Variants in PRPF39 observed in about 807,000 individuals in gnomAD.
The protein encoded by PRPF39 is pre-mRNA-processing factor 39.
In PRPF39, 27 loss-of-function variants were observed where a neutral mutation model predicts 82.1. The observed-to-expected ratio is 0.33, with a 90% CI of 0.24 to 0.45. The LOEUF (loss-of-function observed/expected upper bound fraction) is 0.45. Ranked by LOEUF, PRPF39 falls within the 20% of genes least tolerant of loss-of-function variation. PRPF39 has a pLI of 1.00. For missense variants in PRPF39, 581 were observed against 796.9 expected, an observed-to-expected ratio of 0.73 and a Z score of 3.26; for synonymous variants, 261 against 256.4, an observed-to-expected ratio of 1.02 and a Z score of -0.17.
chr14:45,093,742 A>C (rs888958193), intron 1 of PRPF39, among the ~76,000 whole-genome samples: 3 of 143,652 alleles, frequency 2.1e-5, no homozygotes, highest in Non-Finnish European at 4.4e-5. Flanking sequence ...TTTAGTAGAG[A>C]CAGGGTTTCT....
rs1884819016 is a variant in PRPF39, at chr14:45,115,790, C to G, written c.*877C>G. On this transcript the variant is annotated 3_prime_UTR_variant, in exon 14 of 14. Coordinates refer to ENST00000355765, the MANE Select transcript of PRPF39 (RefSeq NM_017922.4). Reference sequence around the variant, plus strand: ...TGCTTTTGCCTTCTCATTATACAGGCAATCTGTCCAGATAATTTTACTGGG... The same window carrying G: ...TGCTTTTGCCTTCTCATTATACAGGGAATCTGTCCAGATAATTTTACTGGG... 1 of 155,610 alleles carries G rather than the reference C, an allele frequency of 6.4e-6. No individual in the cohort carries two copies. The highest frequency in any genetic ancestry group is 1.4e-5 in the Non-Finnish European group (1 of 70,238). The allele number at this position is 155,610 out of a possible 1,614,324, so 9.6% of individuals were successfully genotyped here.
At chr14:45,104,328 C>T (rs954870408) in intron 5 of PRPF39, among the ~76,000 whole-genome samples, 6 of 152,108 alleles carry the variant, frequency 3.9e-5, no homozygotes, top group African/African-American at 7.2e-5. Context: ...GAACCACTTT[C>T]CTTATCAGTT....
Position 45,110,064 on chromosome 14 carries a change from T to C in PRPF39, c.1177-30T>C. The C allele has an allele frequency of 6.2e-7, 1 of 1,609,982 alleles. No individual in the cohort carries two copies. The highest frequency in any genetic ancestry group is 1.1e-5 in the South Asian group (1 of 90,286). On this transcript the variant is annotated intron_variant, in intron 8 of 13. Transcript: ENST00000355765. The surrounding 1 kb of genome is among the most constrained non-coding windows in gnomAD (Gnocchi z 4.0). ...TTTAATGGCTTGTTCAACTGTAAAT[T>C]ATTCAGTATTTCCTCTTTTCTGTAT...
At chr14:45,099,359 C>T (rs1016322992) in intron 4 of PRPF39, among the ~76,000 whole-genome samples, 2 of 151,918 alleles carry the variant, frequency 1.3e-5, no homozygotes, top group African/African-American at 2.4e-5. Flanking sequence ...TTTCTTCTTC[C>T]TATTTTTCAT....
intron 4 of PRPF39, among the ~76,000 whole-genome samples, chr14:45,099,758 C>G (rs1372831560): frequency 6.6e-6 from 1 of 152,138 alleles, no homozygotes; most frequent in Non-Finnish European, 1.5e-5. Context: ...TTCTTAATAT[C>G]CAAGAATCTT....
At chr14:45,094,149 T>G (rs1884127378) in intron 1 of PRPF39, among the ~76,000 whole-genome samples, 1 of 152,146 alleles carries the variant, frequency 6.6e-6, no homozygotes, top group Admixed American at 6.5e-5. Context: ...CTAAGTATAT[T>G]TTAAGAGTAA....
At chr14:45,107,680 G>A in intron 6 of PRPF39, 64 bp downstream of exon 6, 3 of 1,475,544 alleles carry the variant, frequency 2.0e-6, no homozygotes, top group Non-Finnish European at 2.7e-6. Flanking sequence ...TGTAATCGCA[G>A]CACTTTGGGA....
intron 1 of PRPF39, among the ~76,000 whole-genome samples, chr14:45,085,264 T>G (rs1444192103): frequency 6.6e-6 from 1 of 152,192 alleles, no homozygotes; most frequent in African/African-American, 2.4e-5. Flanking sequence ...CACTGTTCAC[T>G]CTCTAGTAGG....
At chr14:45,107,394 CA>C in intron 5 of PRPF39, 56 bp from the exon 6 acceptor site, 1 of 1,315,674 alleles carries the variant, frequency 7.6e-7, no homozygotes, top group East Asian at 2.5e-5. Flanking sequence ...GTAGGAATCT[CA>C]ATATGAGATC....
At chr14:45,092,335 G>T (rs867413110) in intron 1 of PRPF39, among the ~76,000 whole-genome samples, 8 of 152,128 alleles carry the variant, frequency 5.3e-5, no homozygotes, top group Non-Finnish European at 8.8e-5. Flanking sequence ...GTGCACGGTG[G>T]CTCACGCCTA....
rs1027011615 is a variant in PRPF39 at position 45,115,159 on chromosome 14, G to A, written c.*246G>A. 7.3e-6 allele frequency: 2 copies of A among 274,646 alleles called. No homozygotes were observed. Among genetic ancestry groups the A allele is most frequent in the Non-Finnish European group, 1.4e-5 (2 of 145,474 alleles). 17.0% of individuals were successfully genotyped at this position (274,646 alleles called of 1,614,324 possible). On this transcript the variant is annotated 3_prime_UTR_variant, in exon 14 of 14. Transcript: ENST00000355765. ...TATTTTTTGATTTTTGCATTAAGTG[G>A]TCTAGAATTCTTTTGCAATGCATTT...
intron 5 of PRPF39, among the ~76,000 whole-genome samples, chr14:45,106,703 CAA>C (rs1299667048): frequency 6.6e-6 from 1 of 151,972 alleles, no homozygotes; most frequent in Non-Finnish European, 1.5e-5. Context: ...ATACTTATTT[CAA>C]GCTGTATGAA....
chr14:45,091,993 G>A (rs1263945619), intron 1 of PRPF39, among the ~76,000 whole-genome samples: 1 of 152,126 alleles, frequency 6.6e-6, no homozygotes, highest in Non-Finnish European at 1.5e-5. Context: ...AATTTTCTTG[G>A]CCAATCCCTT....
intron 4 of PRPF39, among the ~76,000 whole-genome samples, chr14:45,097,294 T>C (rs899729726): frequency 2.0e-5 from 3 of 152,100 alleles, no homozygotes; most frequent in Non-Finnish European, 2.9e-5. Flanking sequence ...TTCATACTGC[T>C]CTTTGACTTT....
intron 4 of PRPF39, among the ~76,000 whole-genome samples, chr14:45,101,640 A>G (rs1884378147): frequency 6.6e-6 from 1 of 151,270 alleles, no homozygotes; most frequent in Non-Finnish European, 1.5e-5. Context: ...TAATTTTTGT[A>G]TTTTTAGTAG....
intron 5 of PRPF39, among the ~76,000 whole-genome samples, chr14:45,103,296 T>C (rs888244586): frequency 1.3e-5 from 2 of 152,174 alleles, no homozygotes; most frequent in Non-Finnish European, 2.9e-5. Flanking sequence ...TTTTGTGTTC[T>C]GTTTTCTGCT....
At chr14:45,114,431 T>C (rs1314090530) in intron 12 of PRPF39, 63 bp from the exon 13 acceptor site, 3 of 1,471,416 alleles carry the variant, frequency 2.0e-6, no homozygotes, top group African/African-American at 1.4e-5. Context: ...ATAACATTCA[T>C]CTATTCGTTA....
chr14:45,086,846 G>GTTTT (rs57666854), intron 1 of PRPF39, among the ~76,000 whole-genome samples: 8 of 118,458 alleles, frequency 6.8e-5, no homozygotes, highest in South Asian at 2.9e-4. Flanking sequence ...GTGTTTCTCA[G>GTTTT]TTTTTTTTTT....
chr14:45,095,485 A>C lies in PRPF39; in HGVS notation c.246A>C (p.Glu82Asp), dbSNP rs1168930014. ...AAGCAAATTTCCCTCCAGAATATGA[A>C]AAATTTTGGAAAACTGTAGAAAATA... ...ETEANFPPEYEKFWKTVENNP... is the reference protein window; with the variant it reads ...ETEANFPPEYDKFWKTVENNP... Residue 82 changes from glutamate (E) to aspartate (D), a missense_variant, in exon 2 of 14, where the codon GAA becomes GAC. Transcript: ENST00000355765. 6.2e-7 allele frequency: 1 copy of C among 1,613,734 alleles called. No homozygotes were observed. Among genetic ancestry groups the C allele is most frequent in the Non-Finnish European group, 8.5e-7 (1 of 1,179,814 alleles).
Sources: allele counts gnomAD v4.1 joint callset (sites outside exome capture counted in the v4.1 genomes callset), GRCh38; gene constraint gnomAD v4.1.1; non-coding constraint Gnocchi (gnomAD v3.1); transcripts MANE v1.5; gene names NCBI Gene and HGNC (gene_info 2026-07-23, HGNC 2026-07-21).